The following AK9 variants were observed in gnomAD, a reference collection of about 807,000 sequenced individuals.
AK9 encodes the protein adenylate kinase 9.
A neutral mutation model predicts 239.6 loss-of-function variants in AK9; 191 were observed. That is an observed-to-expected ratio of 0.80 (90% CI 0.71 to 0.90). AK9 has a LOEUF of 0.90. Among genes scored for constraint, AK9 ranks in the 40% least tolerant of loss-of-function variants. The pLI is 0.00. For missense variants in AK9, 1,995 were observed against 2,214.7 expected (o/e 0.90, Z 1.99); for synonymous variants, 689 against 721.0 (o/e 0.96, Z 0.71).
intron 7 of AK9, among the ~76,000 whole-genome samples, chr6:109,657,200 C>A (rs1799807897): frequency 6.6e-6 from 1 of 152,124 alleles, no homozygotes; most frequent in Non-Finnish European, 1.5e-5. Flanking sequence ...AACACCTGAG[C>A]TTGTAGTTCA....
chr6:109,563,773 A>G, intron 23 of AK9, 61 bp from the exon 24 acceptor site: 4 of 1,465,714 alleles, frequency 2.7e-6, no homozygotes, highest in Non-Finnish European at 3.7e-6. Flanking sequence ...TTAGCATATT[A>G]CTATAGTCAA....
At chr6:109,569,722 A>G (rs1787136317) in intron 21 of AK9, among the ~76,000 whole-genome samples, 3 of 152,200 alleles carry the variant, frequency 2.0e-5, no homozygotes, top group African/African-American at 7.2e-5. Flanking sequence ...AATCAAAACC[A>G]CGATGAGATA....
intron 13 of AK9, among the ~76,000 whole-genome samples, chr6:109,618,483 T>C (rs1794446793): frequency 6.7e-6 from 1 of 150,188 alleles, no homozygotes; most frequent in African/African-American, 2.4e-5. Context: ...CAACAGTCAG[T>C]GAGACACAGG....
intron 13 of AK9, among the ~76,000 whole-genome samples, chr6:109,615,950 A>G (rs182573854): frequency 1.3e-5 from 2 of 152,262 alleles, no homozygotes; most frequent in East Asian, 3.9e-4. Flanking sequence ...TATAAGAATA[A>G]TGAAACTAGG....
In AK9 at chr6:109,579,304, G is replaced by T. The variant is rs560642442; in HGVS notation, c.2191+246C>A. ...TCACTTGCAGAGGGTGTATGAGTAG[G>T]TATCTCTGTCAAGAGTCATTTTCCT... On this transcript the variant is annotated intron_variant, in intron 20 of 40. Transcript: ENST00000424296. 4 of 403,768 alleles carry T rather than the reference G, an allele frequency of 9.9e-6. No homozygotes were observed. In the South Asian group the frequency reaches 1.3e-4, roughly 13 times the overall value. The allele number at this position is 403,768 out of a possible 1,614,324, so 25.0% of individuals were successfully genotyped here.
chr6:109,548,499 T>C (rs1166934138), intron 25 of AK9, among the ~76,000 whole-genome samples: 1 of 152,106 alleles, frequency 6.6e-6, no homozygotes, highest in Non-Finnish European at 1.5e-5. Context: ...GGACAATTTG[T>C]TTGAAAAAAG....
intron 12 of AK9, among the ~76,000 whole-genome samples, chr6:109,625,022 T>C (rs9372220): frequency 0.71 from 108,449 of 151,828 alleles, 39,228 homozygotes; most frequent in East Asian, 0.99. Context: ...TTCAAAGGAC[T>C]CTTTTTGTTT....
At chr6:109,509,413 A>G in intron 32 of AK9, 33 bp from the exon 33 acceptor site, 9 of 1,519,500 alleles carry the variant, frequency 5.9e-6, no homozygotes, top group Middle Eastern at 3.5e-4. Flanking sequence ...ATTAAATTAA[A>G]TGATTTAGAT....
chr6:109,613,722 T>C (rs1562494640), intron 15 of AK9, among the ~76,000 whole-genome samples: 3 of 151,146 alleles, frequency 2.0e-5, no homozygotes, highest in Non-Finnish European at 4.4e-5. Flanking sequence ...TATTCTATAA[T>C]ATATTACATA....
intron 8 of AK9, among the ~76,000 whole-genome samples, chr6:109,655,316 T>C (rs1375223298): frequency 3.3e-5 from 5 of 152,254 alleles, no homozygotes; most frequent in Non-Finnish European, 7.3e-5. Context: ...ACATTTTTTC[T>C]ACAGGCTTAT....
rs1793434934 is a variant in AK9, at chr6:109,610,412, G to A, written c.1795C>T (p.Gln599Ter). Residue 599 changes from glutamine (Q) to a stop codon, truncating the protein, a stop_gained, in exon 17 of 41, where the codon CAG (glutamine) becomes TAG (stop). Coordinates refer to ENST00000424296, the MANE Select transcript of AK9 (RefSeq NM_001145128.3). LOFTEE classifies it high-confidence loss of function. ...ATTTCAGCATGTTTTTCATATGGCTGTTCAAAGTTTATATCCTGTGACATT... is the reference window on the plus strand; with the variant it reads ...ATTTCAGCATGTTTTTCATATGGCTATTCAAAGTTTATATCCTGTGACATT... ...IKMSQDINFE[Q>*]PYEKHAEILQ... The A allele has an allele frequency of 6.4e-7, 1 of 1,551,608 alleles. No homozygotes were observed. The highest frequency in any genetic ancestry group is 2.4e-5 in the East Asian group (1 of 40,878).
intron 35 of AK9, 43 bp from the exon 36 acceptor site, chr6:109,499,283 TAG>T (rs764351604): frequency 2.0e-4 from 264 of 1,332,708 alleles, no homozygotes; most frequent in Admixed American, 6.8e-4. Flanking sequence ...ATATTTTTCA[TAG>T]AGAACGCAAT....
rs369066827 is a variant in AK9 at position 109,573,489 on chromosome 6, G to T, written c.2297C>A (p.Pro766His). The T allele has an allele frequency of 2.6e-6, 4 of 1,551,130 alleles. No individual in the cohort carries two copies. In the African/African-American group the frequency reaches 5.5e-5, roughly 21 times the overall value. The change falls in exon 21 of 41, where the codon CCT (proline) becomes CAT (histidine). Residue 766 changes from proline (P) to histidine (H), a missense_variant. By Grantham distance (77) the Pro-to-His change is moderately conservative. Around this residue, in one of 5 missense-constraint regions of AK9, gnomAD observed 1,290 missense variants for 1,392.7 expected, o/e 0.93. Transcript: ENST00000424296. The part of the protein sequence containing the change: ...ASHDTRGSWL[P>H]EEFEASEVPE... ...GACCTCAGATGCTTCAAACTCCTCA[G>T]GTAACCATGACCCTCGGGTATCGTG...
intron 21 of AK9, among the ~76,000 whole-genome samples, chr6:109,568,721 AG>A (rs1428188939): frequency 6.6e-6 from 1 of 152,236 alleles, no homozygotes; most frequent in African/African-American, 2.4e-5. Flanking sequence ...CCAACTTACA[AG>A]GGATGTGAAG....
intron 8 of AK9, among the ~76,000 whole-genome samples, chr6:109,656,420 T>C (rs1283894112): frequency 6.6e-6 from 1 of 152,224 alleles, no homozygotes; most frequent in Non-Finnish European, 1.5e-5. Flanking sequence ...TTTGTTTTGA[T>C]AAAGCTATAA....
intron 8 of AK9, among the ~76,000 whole-genome samples, chr6:109,654,841 T>G (rs902525729): frequency 6.6e-6 from 1 of 152,194 alleles, no homozygotes; most frequent in African/African-American, 2.4e-5. Context: ...CTCAGTTTGC[T>G]CCTGCTTGCT....
At chr6:109,554,434 T>C (rs1290610193) in intron 24 of AK9, among the ~76,000 whole-genome samples, 11 of 152,102 alleles carry the variant, frequency 7.2e-5, no homozygotes, top group Non-Finnish European at 1.6e-4. Flanking sequence ...GGAGGGTGTA[T>C]GTGTCCAGGA....
intron 6 of AK9, 32 bp from the exon 7 acceptor site, chr6:109,659,445 C>A (rs1800139240): frequency 6.4e-7 from 1 of 1,568,902 alleles, no homozygotes; most frequent in African/African-American, 1.4e-5. Flanking sequence ...TCACTTAAAA[C>A]ATTTTGAATA....
At chr6:109,521,721 G>A (rs541909859) in intron 29 of AK9, among the ~76,000 whole-genome samples, 1 of 152,130 alleles carries the variant, frequency 6.6e-6, no homozygotes, top group South Asian at 2.1e-4. Context: ...TACAAGGAAT[G>A]CAATTCTGTA....
Sources: allele counts gnomAD v4.1 joint callset (sites outside exome capture counted in the v4.1 genomes callset), GRCh38; gene constraint gnomAD v4.1.1; regional missense constraint gnomAD v4.1.1; transcripts MANE v1.5; gene names NCBI Gene and HGNC (gene_info 2026-07-23, HGNC 2026-07-21).